The following ANKS1B variants were observed in gnomAD, a reference collection of about 807,000 sequenced individuals.
ANKS1B encodes the protein ankyrin repeat and sterile alpha motif domain-containing protein 1B.
ANKS1B carries 36 observed loss-of-function variants against 148.3 expected under a neutral mutation model. The observed-to-expected ratio is 0.24, with a 90% confidence interval of 0.19 to 0.32. The LOEUF is 0.32. Among genes scored for constraint, ANKS1B ranks in the 10% least tolerant of loss-of-function variants. ANKS1B has a pLI of 1.00. For synonymous variants in ANKS1B, 542 were observed against 560.8 expected (o/e 0.97, Z 0.47); for missense variants, 1,157 against 1,542.6 (o/e 0.75, Z 4.19).
intron 17 of ANKS1B, among the ~76,000 whole-genome samples, chr12:98,854,347 T>A (rs200784): frequency 6.6e-6 from 1 of 152,072 alleles, no homozygotes; most frequent in Non-Finnish European, 1.5e-5. Context: ...GTTTTGGAAA[T>A]GCATTTGTTC....
intron 12 of ANKS1B, among the ~76,000 whole-genome samples, chr12:99,299,340 G>C (rs1194556491): frequency 6.6e-6 from 1 of 152,152 alleles, no homozygotes; most frequent in African/African-American, 2.4e-5. Context: ...AATTATAGGT[G>C]TTAGCCACTG....
In ANKS1B at chr12:99,368,071, C is replaced by A. The variant is rs1025332740; in HGVS notation, c.1756+31560G>T. ...GAAAATTATTTCAAGTGACTTTTGG[C>A]AAAGCATTCTGATTATATTTTTATG... On this transcript the variant is annotated intron_variant, in intron 12 of 26. Coordinates refer to ENST00000683438, the MANE Select transcript of ANKS1B (RefSeq NM_001352186.2). Among the ~76,000 whole-genome samples the A allele has an allele frequency of 6.6e-5, 10 of 152,142 alleles. No homozygotes were observed. The East Asian group carries it at 1.4e-3, about 21-fold the overall frequency.
chr12:99,807,988 A>C (rs547718034), intron 3 of ANKS1B, among the ~76,000 whole-genome samples: 2 of 152,288 alleles, frequency 1.3e-5, no homozygotes, highest in East Asian at 3.9e-4. Flanking sequence ...AAAAAGGTTA[A>C]ATTACACATC....
chr12:99,687,644 CAT>C (rs539511474), intron 8 of ANKS1B, among the ~76,000 whole-genome samples: 7 of 152,154 alleles, frequency 4.6e-5, no homozygotes, highest in Admixed American at 1.3e-4. Context: ...TTTCAGCTAT[CAT>C]ATTCATTATC....
At chr12:98,735,668 T>TA in intron 9 of ANKS1B, 1 of 749,470 alleles carries the variant, frequency 1.3e-6, no homozygotes, top group Non-Finnish European at 2.5e-6. Context: ...TTTATTCACT[T>TA]AGTTTGTTCA....
At chr12:99,735,400 T>C (rs1489154727) in intron 8 of ANKS1B, among the ~76,000 whole-genome samples, 1 of 151,830 alleles carries the variant, frequency 6.6e-6, no homozygotes, top group Admixed American at 6.6e-5. Context: ...GAAGTCCAAA[T>C]AAATAAAATC....
At chr12:99,497,244 ATT>A (rs1317541432) in intron 10 of ANKS1B, among the ~76,000 whole-genome samples, 1 of 152,174 alleles carries the variant, frequency 6.6e-6, no homozygotes, top group African/African-American at 2.4e-5. Flanking sequence ...GTTATACAGT[ATT>A]TTCTTTAGAC....
chr12:98,924,127 C>G (rs1306384230), intron 17 of ANKS1B, among the ~76,000 whole-genome samples: 1 of 152,166 alleles, frequency 6.6e-6, no homozygotes, highest in African/African-American at 2.4e-5. Context: ...AAGGAGGTGG[C>G]AGAGGTCTGA....
chr12:98,768,627 A>G (rs1343266966), intron 25 of ANKS1B, among the ~76,000 whole-genome samples: 6 of 150,930 alleles, frequency 4.0e-5, no homozygotes, highest in Admixed American at 4.0e-4. Context: ...CCAGCTGCTC[A>G]GGAGGCTGAG....
chr12:99,536,126 C>G (rs143062962), intron 9 of ANKS1B, among the ~76,000 whole-genome samples: 1 of 152,272 alleles, frequency 6.6e-6, no homozygotes, highest in Non-Finnish European at 1.5e-5. Flanking sequence ...ATACAGAACT[C>G]ACTCAGTGGG....
chr12:98,844,530 C>G (rs1350700104), intron 17 of ANKS1B, among the ~76,000 whole-genome samples: 1 of 152,108 alleles, frequency 6.6e-6, no homozygotes, highest in Non-Finnish European at 1.5e-5. Context: ...TATTGACTTT[C>G]TTTTTTTGAC....
chr12:99,811,338 C>T (rs1463340926), intron 3 of ANKS1B, among the ~76,000 whole-genome samples: 1 of 151,832 alleles, frequency 6.6e-6, no homozygotes, highest in African/African-American at 2.4e-5. Flanking sequence ...AACTGCCAAC[C>T]TGCAGCTTAA....
chr12:99,130,183 A>C (rs1390839833), intron 15 of ANKS1B, among the ~76,000 whole-genome samples: 1 of 152,216 alleles, frequency 6.6e-6, no homozygotes, highest in East Asian at 1.9e-4. Context: ...CCATTTGCTT[A>C]ATAACTTAAA....
intron 14 of ANKS1B, among the ~76,000 whole-genome samples, chr12:99,188,291 C>T (rs144438844): frequency 1.2e-3 from 185 of 152,228 alleles, no homozygotes; most frequent in Middle Eastern, 3.4e-3. Context: ...ATCAATGAGA[C>T]GGAAAATTAA....
intron 17 of ANKS1B, among the ~76,000 whole-genome samples, chr12:98,959,490 T>C (rs769784270): frequency 4.6e-5 from 7 of 152,172 alleles, no homozygotes; most frequent in African/African-American, 1.7e-4. Flanking sequence ...CCCGAGTACC[T>C]AATGGATAAT....
At chr12:99,685,174 T>TCTAA (rs2098642558) in intron 8 of ANKS1B, among the ~76,000 whole-genome samples, 1 of 151,942 alleles carries the variant, frequency 6.6e-6, no homozygotes, top group Non-Finnish European at 1.5e-5. Flanking sequence ...AAACTATGCA[T>TCTAA]CTAACTATAT....
At chr12:99,841,288 G>A (rs974861840) in intron 1 of ANKS1B, among the ~76,000 whole-genome samples, 12 of 151,926 alleles carry the variant, frequency 7.9e-5, no homozygotes, top group Non-Finnish European at 1.5e-4. Context: ...TATCTTTCAC[G>A]ATGGTCATAC....
chr12:99,574,785 A>C (rs1259529966), intron 9 of ANKS1B, among the ~76,000 whole-genome samples: 1 of 152,124 alleles, frequency 6.6e-6, no homozygotes, highest in Admixed American at 6.6e-5. Context: ...TCAACCTGAT[A>C]AAGGGCATCT....
intron 17 of ANKS1B, among the ~76,000 whole-genome samples, chr12:98,936,463 C>T (rs1188003733): frequency 6.6e-6 from 1 of 152,066 alleles, no homozygotes; most frequent in African/African-American, 2.4e-5. Flanking sequence ...CTCGTCTCTA[C>T]TAAAAATACA....
Sources: gnomAD v4.1 joint callset for allele counts (sites outside exome capture counted in the v4.1 genomes callset) on GRCh38, gnomAD v4.1.1 for gene constraint, MANE v1.5 for transcripts, NCBI Gene and HGNC (gene_info 2026-07-23, HGNC 2026-07-21) for gene names.